Variants in HK1 observed in about 807,000 individuals in gnomAD.
HK1 encodes the protein hexokinase 1.
A neutral mutation model predicts 91.6 loss-of-function variants in HK1; 28 were observed. The ratio of observed to expected loss-of-function variants is 0.31; its 90% CI spans 0.23 to 0.42. The LOEUF is 0.42. Among genes scored for constraint, HK1 ranks in the 10% least tolerant of loss-of-function variants. The pLI, the probability that HK1 is intolerant of heterozygous loss-of-function variation, is 1.00. For synonymous variants in HK1, 430 were observed against 468.1 expected, an observed-to-expected ratio of 0.92 and a Z score of 1.05; for missense variants, 770 against 1,219.8, an observed-to-expected ratio of 0.63 and a Z score of 5.49.
At chr10:69,346,700 A>T (rs1295732093) in intron 2 of HK1, among the ~76,000 whole-genome samples, 1 of 151,738 alleles carries the variant, frequency 6.6e-6, no homozygotes, top group African/African-American at 2.4e-5. Flanking sequence ...GTTCTTCAAT[A>T]ATCTGTATAT....
chr10:69,318,305 G>A (rs999333893), upstream of HK1: 1 of 854,084 alleles, frequency 1.2e-6, no homozygotes, highest in African/African-American at 1.8e-5. Flanking sequence ...TAGCGTCCCC[G>A]GCTCCCGCTT....
chr10:69,343,725 G>A, intron 1 of HK1, 102 bp from the exon 2 acceptor site: 4 of 869,936 alleles, frequency 4.6e-6, no homozygotes, highest in Non-Finnish European at 7.9e-6. Context: ...CAGCGTGCGT[G>A]TTCCTGTGCC....
chr10:69,276,976 A>G (rs1844508808), intron 1 of HK1, among the ~76,000 whole-genome samples: 1 of 152,028 alleles, frequency 6.6e-6, no homozygotes, highest in Non-Finnish European at 1.5e-5. Flanking sequence ...ATGGTCTAGA[A>G]TTTTAGTTAT....
At chr10:69,344,077 A>G (rs557366274) in intron 2 of HK1, 88 bp downstream of exon 2, 1 of 1,303,184 alleles carries the variant, frequency 7.7e-7, no homozygotes, top group Admixed American at 1.7e-5. Flanking sequence ...ACATTTGCTC[A>G]TTCATTCATT....
chr10:69,309,134 C>G (rs1846237424), intron 5 of HK1, among the ~76,000 whole-genome samples: 1 of 151,984 alleles, frequency 6.6e-6, no homozygotes, highest in African/African-American at 2.4e-5. Flanking sequence ...ATGATCATAC[C>G]ACTGCACTTT....
rs188603560 is a variant in HK1 at position 69,348,672 on chromosome 10, A to G, written c.226+4683A>G. Among the ~76,000 whole-genome samples the G allele has an allele frequency of 2.7e-3, 410 of 152,320 alleles. 3 individuals are homozygous for G. Among genetic ancestry groups the G allele is most frequent in the African/African-American group, 9.3e-3 (388 of 41,568 alleles). On this transcript the variant is annotated intron_variant, in intron 2 of 17. Transcript: ENST00000359426. ...CTAAAAATACAAAAATTAGCTGGGC[A>G]TGGTGGCCGGTGCCTGTAATCCCAG...
chr10:69,309,736 A>T (rs1363678876), intron 5 of HK1, among the ~76,000 whole-genome samples: 1 of 136,732 alleles, frequency 7.3e-6, no homozygotes, highest in African/African-American at 2.8e-5. Context: ...GGGAGGCGGA[A>T]GTTGCAGTGA....
At chr10:69,364,762 C>T (rs1321292163) in intron 3 of HK1, 21 bp from the exon 4 acceptor site, 7 of 1,614,188 alleles carry the variant, frequency 4.3e-6, no homozygotes, top group Non-Finnish European at 5.9e-6. Context: ...GGCCCCCTGA[C>T]TGCTCTCATG....
chr10:69,310,348 C>T (rs1370986014), intron 5 of HK1, among the ~76,000 whole-genome samples: 1 of 146,626 alleles, frequency 6.8e-6, no homozygotes, highest in African/African-American at 2.5e-5. Flanking sequence ...CTGAACCCAT[C>T]AGGCAGAGGT....
At chr10:69,324,507 A>T (rs1847215009) in intron 1 of HK1, among the ~76,000 whole-genome samples, 1 of 152,118 alleles carries the variant, frequency 6.6e-6, no homozygotes, top group South Asian at 2.1e-4. Context: ...CAGAAGAATC[A>T]CTTGAACCTG....
At chr10:69,295,823 C>T (rs1845537430) in intron 4 of HK1, 1 of 688,242 alleles carries the variant, frequency 1.5e-6, no homozygotes, top group Non-Finnish European at 2.6e-6. Flanking sequence ...CAGTATTGAC[C>T]TCCAACTTGC....
intron 8 of HK1, among the ~76,000 whole-genome samples, chr10:69,377,457 G>A (rs533489499): frequency 4.6e-5 from 7 of 150,818 alleles, no homozygotes; most frequent in South Asian, 2.1e-4. Context: ...GGTAAAGCCC[G>A]GAGCCTGGGT....
Position 69,338,706 on chromosome 10 carries a change from T to TGTAA in HK1, c.64-5119_64-5118insAAGT, listed in dbSNP as rs960995135. 7 of 1,205,506 alleles carry TGTAA rather than the reference T, an allele frequency of 5.8e-6. No individual in the cohort carries two copies. The African/African-American group carries it at 1.1e-4, about 20-fold the overall frequency. The allele number at this position is 1,205,506 out of a possible 1,614,324, so 74.7% of individuals were successfully genotyped here. ...GTGTGTGTGTGTGTGTGTGTGTGTG[T>TGTAA]GTGTAAGTACTTGTGTGTGTATGTG... On this transcript the variant is annotated intron_variant, in intron 1 of 17. Coordinates refer to ENST00000359426, the MANE Select transcript of HK1 (RefSeq NM_000188.3).
intron 5 of HK1, among the ~76,000 whole-genome samples, chr10:69,305,652 C>T (rs1234930812): frequency 2.6e-5 from 4 of 151,032 alleles, no homozygotes; most frequent in East Asian, 2.0e-4. Context: ...GTCAGGAGTT[C>T]GAGACCAGCC....
intron 1 of HK1, among the ~76,000 whole-genome samples, chr10:69,321,457 G>A (rs1009677544): frequency 2.0e-5 from 3 of 152,198 alleles, no homozygotes; most frequent in African/African-American, 7.2e-5. Flanking sequence ...GCTGGACTCT[G>A]CCTGCCTCCC....
chr10:69,371,822 G>A (rs1320791291), intron 7 of HK1, among the ~76,000 whole-genome samples: 1 of 152,186 alleles, frequency 6.6e-6, no homozygotes, highest in Admixed American at 6.5e-5. Context: ...TTTTGGGATG[G>A]ATGGATGGAT....
intron 1 of HK1, among the ~76,000 whole-genome samples, chr10:69,329,630 C>T (rs1847592693): frequency 6.6e-6 from 1 of 152,118 alleles, no homozygotes; most frequent in Admixed American, 6.6e-5. Context: ...TCATGAATGA[C>T]AGGGATAGGA....
At chr10:69,283,523 G>C (rs1844869407) in intron 2 of HK1, among the ~76,000 whole-genome samples, 1 of 151,190 alleles carries the variant, frequency 6.6e-6, no homozygotes, top group African/African-American at 2.4e-5. Context: ...GTTCATGCCT[G>C]TAATCCTAGC....
intron 14 of HK1, among the ~76,000 whole-genome samples, chr10:69,389,775 C>T (rs1242491308): frequency 6.6e-6 from 1 of 152,132 alleles, no homozygotes; most frequent in Non-Finnish European, 1.5e-5. Flanking sequence ...TCTTGGGCAC[C>T]ATTTTGCCTT....
Sources: gnomAD v4.1 joint callset for allele counts (sites outside exome capture counted in the v4.1 genomes callset) on GRCh38, gnomAD v4.1.1 for gene constraint, MANE v1.5 for transcripts, NCBI Gene and HGNC (gene_info 2026-07-23, HGNC 2026-07-21) for gene names.